Variants in SHROOM3 observed in about 807,000 individuals in gnomAD.
SHROOM3 encodes protein Shroom3.
A neutral mutation model predicts 138.6 loss-of-function variants in SHROOM3; 47 were observed. That is an observed-to-expected ratio of 0.34 (90% CI 0.27 to 0.43). The LOEUF (loss-of-function observed/expected upper bound fraction) is 0.43. Ranked by LOEUF, SHROOM3 falls within the 20% of genes least tolerant of loss-of-function variation. The probability of loss-of-function intolerance (pLI) is 1.00; values close to 1 mark genes in which losing one functional copy is unlikely to be tolerated. For missense variants in SHROOM3, 2,491 were observed against 2,596.5 expected, an observed-to-expected ratio of 0.96 and a Z score of 0.88; for synonymous variants, 1,062 against 1,063.3, an observed-to-expected ratio of 1.00 and a Z score of 0.02.
chr4:76,449,510 C>T (rs1340446071), intron 1 of SHROOM3, among the ~76,000 whole-genome samples: 2 of 152,186 alleles, frequency 1.3e-5, no homozygotes, highest in Non-Finnish European at 2.9e-5. Flanking sequence ...ATAACTTGTA[C>T]CTCTGCCAAA....
At chr4:76,534,107 G>A (rs1301093539) in intron 1 of SHROOM3, among the ~76,000 whole-genome samples, 1 of 152,226 alleles carries the variant, frequency 6.6e-6, no homozygotes, top group Non-Finnish European at 1.5e-5. Context: ...CCAGTGCCTG[G>A]TATGCAGTAG....
chr4:76,703,108 A>T (rs1282533086), intron 2 of SHROOM3, among the ~76,000 whole-genome samples: 1 of 152,208 alleles, frequency 6.6e-6, no homozygotes. Context: ...CAGAGGTTTG[A>T]GACATACAAA....
chr4:76,715,115 A>G (rs886180557), intron 3 of SHROOM3, among the ~76,000 whole-genome samples: 3 of 152,152 alleles, frequency 2.0e-5, no homozygotes, highest in African/African-American at 7.2e-5. Flanking sequence ...ACAGAGGCCT[A>G]TACTGATTTT....
chr4:76,779,218 C>T lies in SHROOM3; in HGVS notation c.*41C>T. ...CCAACCAAAAGATCACTGTTTCTCT[C>T]AACACTATTTAATCTGAAAAATGTT... On this transcript the variant is annotated 3_prime_UTR_variant, in exon 11 of 11. Coordinates refer to ENST00000296043, the MANE Select transcript of SHROOM3 (RefSeq NM_020859.4). 1 of 1,559,796 alleles carries T rather than the reference C, an allele frequency of 6.4e-7. No individual in the cohort carries two copies. Among genetic ancestry groups the T allele is most frequent in the Non-Finnish European group, 8.7e-7 (1 of 1,154,046 alleles).
intron 2 of SHROOM3, among the ~76,000 whole-genome samples, chr4:76,610,173 G>C (rs1476788917): frequency 4.6e-5 from 7 of 152,158 alleles, no homozygotes; most frequent in Non-Finnish European, 1.5e-5. Flanking sequence ...AACTAAAAGA[G>C]AAGATAACCA....
chr4:76,608,747 A>ATAGCATAGCATAGCACAG (rs1560563546), intron 2 of SHROOM3, among the ~76,000 whole-genome samples: 1 of 151,216 alleles, frequency 6.6e-6, no homozygotes, highest in Non-Finnish European at 1.5e-5. Flanking sequence ...ATAGCATAGC[A>ATAGCATAGCATAGCACAG]CAGTGTCAGG....
At chr4:76,748,849 T>G (rs551492170) in intron 5 of SHROOM3, among the ~76,000 whole-genome samples, 168 bp from the exon 6 acceptor site, 1 of 148,212 alleles carries the variant, frequency 6.7e-6, no homozygotes, top group South Asian at 2.1e-4. Flanking sequence ...AATCTTCGGC[T>G]TATCTCCTGC....
chr4:76,740,179 C>G lies in SHROOM3; in HGVS notation c.2006C>G (p.Pro669Arg), dbSNP rs745752009. The G allele has an allele frequency of 6.2e-7, 1 of 1,613,900 alleles. No homozygotes were observed. The highest frequency in any genetic ancestry group is 1.7e-5 in the Admixed American group (1 of 60,036). Residue 669 changes from proline to arginine, a missense_variant, in exon 5 of 11, where the codon CCT (proline) becomes CGT (arginine). Pro to Arg is a moderately radical substitution (Grantham distance 103). Transcript: ENST00000296043. The surrounding 1 kb of genome is among the most constrained non-coding windows in gnomAD (Gnocchi z 4.0). ...KSAFSSLQNI[P>R]ESLRRHSSLE... is the part of the protein sequence containing the mutation. ...GCCTTCTCATCTCTCCAGAACATTCCTGAGAGTCTGAGAAGACACAGCAGC... is the reference window on the plus strand; with the variant it reads ...GCCTTCTCATCTCTCCAGAACATTCGTGAGAGTCTGAGAAGACACAGCAGC...
Position 76,740,243 on chromosome 4 carries a change from G to A in SHROOM3, c.2070G>A (p.Gly690=). The part of the protein sequence containing the change: ...LGRGTQEGYP[G]GRPTCAVNTK... Reference sequence around the variant, plus strand: ...GGGGAACCCAGGAGGGTTACCCCGGGGGCAGGCCCACCTGTGCAGTCAACA... The same window carrying A: ...GGGGAACCCAGGAGGGTTACCCCGGAGGCAGGCCCACCTGTGCAGTCAACA... The change falls in exon 5 of 11, where the codon GGG becomes GGA. Residue 690 remains glycine (G), a synonymous_variant. Coordinates refer to ENST00000296043, the MANE Select transcript of SHROOM3 (RefSeq NM_020859.4). The surrounding 1 kb of genome is among the most constrained non-coding windows in gnomAD (Gnocchi z 4.0). 6.2e-7 allele frequency: 1 copy of A among 1,613,304 alleles called. No individual in the cohort carries two copies. Among genetic ancestry groups the A allele is most frequent in the Non-Finnish European group, 8.5e-7 (1 of 1,180,040 alleles).
At chr4:76,524,246 G>A (rs1732632012) in intron 1 of SHROOM3, among the ~76,000 whole-genome samples, 2 of 152,204 alleles carry the variant, frequency 1.3e-5, no homozygotes, top group Admixed American at 6.5e-5. Context: ...GATGAAGGAA[G>A]CAAGTCCTGG....
At chr4:76,473,051 T>C (rs1731411927) in intron 1 of SHROOM3, among the ~76,000 whole-genome samples, 1 of 152,192 alleles carries the variant, frequency 6.6e-6, no homozygotes, top group African/African-American at 2.4e-5. Flanking sequence ...GTTAATTAGC[T>C]TGATTTAGCC....
intron 1 of SHROOM3, among the ~76,000 whole-genome samples, chr4:76,489,455 T>TG (rs767662223): frequency 9.6e-4 from 147 of 152,376 alleles, no homozygotes; most frequent in Admixed American, 2.0e-3. Context: ...AAATTACAGA[T>TG]GCAATCTTAA....
chr4:76,549,068 A>G (rs1317520094), intron 1 of SHROOM3, among the ~76,000 whole-genome samples: 2 of 152,264 alleles, frequency 1.3e-5, no homozygotes, highest in African/African-American at 4.8e-5. Context: ...AGAGAGTATC[A>G]GCAGGGCTTG....
At chr4:76,447,971 G>T (rs1730847818) in intron 1 of SHROOM3, among the ~76,000 whole-genome samples, 1 of 152,046 alleles carries the variant, frequency 6.6e-6, no homozygotes, top group Admixed American at 6.6e-5. Context: ...AAGTACTACT[G>T]CCACCTTGCT....
chr4:76,497,784 G>T (rs1731999700), intron 1 of SHROOM3, among the ~76,000 whole-genome samples: 1 of 152,194 alleles, frequency 6.6e-6, no homozygotes, highest in South Asian at 2.1e-4. Flanking sequence ...CTTGAACCTG[G>T]GAGATGGAGG....
chr4:76,507,259 G>A (rs1006428382), intron 1 of SHROOM3, among the ~76,000 whole-genome samples: 2 of 152,122 alleles, frequency 1.3e-5, no homozygotes, highest in Non-Finnish European at 2.9e-5. Flanking sequence ...AAATCCAAAT[G>A]TGATTCCAGA....
intron 1 of SHROOM3, among the ~76,000 whole-genome samples, chr4:76,529,204 T>A (rs972604367): frequency 6.6e-6 from 1 of 152,150 alleles, no homozygotes; most frequent in Admixed American, 6.5e-5. Context: ...GAGGTGGAGA[T>A]GGTGGGTCTC....
intron 1 of SHROOM3, among the ~76,000 whole-genome samples, chr4:76,533,910 T>C (rs1350059710): frequency 6.6e-6 from 1 of 152,210 alleles, no homozygotes; most frequent in Non-Finnish European, 1.5e-5. Context: ...GAAATGGGAA[T>C]CTGAATACTG....
intron 2 of SHROOM3, among the ~76,000 whole-genome samples, chr4:76,705,602 G>T (rs1454851161): frequency 6.6e-6 from 1 of 152,210 alleles, no homozygotes; most frequent in African/African-American, 2.4e-5. Context: ...CTCATCATGG[G>T]AAGTAGAAGA....
Sources: allele counts gnomAD v4.1 joint callset (sites outside exome capture counted in the v4.1 genomes callset), GRCh38; gene constraint gnomAD v4.1.1; non-coding constraint Gnocchi (gnomAD v3.1); transcripts MANE v1.5; gene names NCBI Gene and HGNC (gene_info 2026-07-23, HGNC 2026-07-21).